The following SPATA17 variants were observed in gnomAD, a reference collection of about 807,000 sequenced individuals.
SPATA17 encodes the protein spermatogenesis-associated protein 17.
Under a neutral mutation model 62.2 loss-of-function variants are expected in SPATA17, and 53 were observed. The ratio of observed to expected loss-of-function variants is 0.85; its 90% confidence interval spans 0.68 to 1.07. SPATA17 has a LOEUF of 1.07. Among genes scored for constraint, SPATA17 ranks in the 50% least tolerant of loss-of-function variants. The pLI, the probability that SPATA17 is intolerant of heterozygous loss-of-function variation, is 0.00. For synonymous variants in SPATA17, 146 were observed against 146.8 expected, an observed-to-expected ratio of 0.99 and a Z score of 0.04; for missense variants, 466 against 425.5, an observed-to-expected ratio of 1.10 and a Z score of -0.84.
At chr1:217,718,664 A>G (rs1243124605) in intron 5 of SPATA17, among the ~76,000 whole-genome samples, 1 of 152,162 alleles carries the variant, frequency 6.6e-6, no homozygotes, top group African/African-American at 2.4e-5. Context: ...AGTTAGGAAA[A>G]CAAGACACCA....
At chr1:217,715,669 CA>C (rs11320551) in intron 5 of SPATA17, among the ~76,000 whole-genome samples, 19,630 of 126,938 alleles carry the variant, frequency 0.15, 1,318 homozygotes, top group Non-Finnish European at 0.19. Context: ...GCTTGTCATG[CA>C]AAAAAAAAAA....
chr1:217,685,644 A>G (rs1671199826), intron 5 of SPATA17, among the ~76,000 whole-genome samples: 1 of 152,182 alleles, frequency 6.6e-6, no homozygotes, highest in South Asian at 2.1e-4. Flanking sequence ...TAATAGATGT[A>G]CTAATATCAA....
chr1:217,806,935 C>T (rs1361517499), intron 9 of SPATA17, among the ~76,000 whole-genome samples: 1 of 151,902 alleles, frequency 6.6e-6, no homozygotes, highest in Non-Finnish European at 1.5e-5. Context: ...ATATGCAGCG[C>T]ACATACAGCA....
chr1:217,659,521 G>A (rs1670519621), intron 3 of SPATA17, among the ~76,000 whole-genome samples: 1 of 151,918 alleles, frequency 6.6e-6, no homozygotes, highest in Non-Finnish European at 1.5e-5. Context: ...TATGTCATGA[G>A]CAATGGTTCT....
intron 1 of SPATA17, among the ~76,000 whole-genome samples, chr1:217,645,071 A>G (rs918109164): frequency 6.6e-6 from 1 of 152,122 alleles, no homozygotes; most frequent in Non-Finnish European, 1.5e-5. Context: ...AGCAGTTAAA[A>G]AAAGGGCAAC....
chr1:217,663,584 C>T (rs191766095), intron 3 of SPATA17, among the ~76,000 whole-genome samples: 2 of 152,148 alleles, frequency 1.3e-5, no homozygotes, highest in Admixed American at 1.3e-4. Context: ...TATGAAATGT[C>T]GATGGCCCTA....
At chr1:217,849,314 A>G (rs896998281) in intron 9 of SPATA17, among the ~76,000 whole-genome samples, 1 of 152,120 alleles carries the variant, frequency 6.6e-6, no homozygotes, top group Admixed American at 6.6e-5. Context: ...GCCACTACCT[A>G]TGGCCATTCA....
At chr1:217,711,514 G>A (rs1671863069) in intron 5 of SPATA17, among the ~76,000 whole-genome samples, 1 of 152,144 alleles carries the variant, frequency 6.6e-6, no homozygotes. Context: ...TTCTAGCTAT[G>A]TGACCTTGAA....
intron 5 of SPATA17, among the ~76,000 whole-genome samples, chr1:217,731,571 T>C (rs1672403290): frequency 6.6e-6 from 1 of 152,170 alleles, no homozygotes; most frequent in Non-Finnish European, 1.5e-5. Context: ...ACTGCTGCCT[T>C]AATGATCTTT....
rs1247116778 is a variant in SPATA17 at position 217,798,938 on chromosome 1, C to T, written c.873-2780C>T. 2.7e-5 allele frequency among the ~76,000 whole-genome samples: 4 copies of T among 147,968 alleles called. No individual in the cohort carries two copies. In the South Asian group the frequency reaches 8.5e-4, roughly 32 times the overall value. On this transcript the variant is annotated intron_variant, in intron 8 of 10. Coordinates refer to ENST00000366933, the MANE Select transcript of SPATA17 (RefSeq NM_138796.4). The stretch of plus-strand genomic sequence containing the variant: ...TCGCCTAGGCTGGAGAGCAGTGGCT[C>T]GATCTGTAAGCATAAGCACAACTGA...
At chr1:217,699,279 A>G (rs1671536977) in intron 5 of SPATA17, among the ~76,000 whole-genome samples, 1 of 152,208 alleles carries the variant, frequency 6.6e-6, no homozygotes. Context: ...AGGGAACTGT[A>G]AAACTGTTTT....
Position 217,870,249 on chromosome 1 carries a change from C to T in SPATA17, c.*3230C>T, listed in dbSNP as rs1224385719. 1 of 152,072 alleles carries T rather than the reference C, an allele frequency of 6.6e-6. No homozygotes were observed. The highest frequency in any genetic ancestry group is 1.5e-5 in the Non-Finnish European group (1 of 68,000). 9.4% of individuals were successfully genotyped at this position (152,072 alleles called of 1,614,324 possible). A position where few individuals can be genotyped will look rare whatever the true frequency, so the allele number is the denominator to read the frequency against. On this transcript the variant is annotated 3_prime_UTR_variant, in exon 11 of 11. Transcript: ENST00000366933. The stretch of plus-strand genomic sequence containing the variant: ...AGAGAAGGTGGTACTCAGATAAAAA[C>T]TTTGAAGCATTTTATTGTTCAGAAT...
At chr1:217,642,569 C>G (rs898294096) in intron 1 of SPATA17, among the ~76,000 whole-genome samples, 1 of 152,158 alleles carries the variant, frequency 6.6e-6, no homozygotes, top group Non-Finnish European at 1.5e-5. Context: ...TGAAATCCCC[C>G]TAATCCTTAC....
intron 1 of SPATA17, among the ~76,000 whole-genome samples, chr1:217,638,242 G>T (rs1669982192): frequency 6.6e-6 from 1 of 151,998 alleles, no homozygotes; most frequent in Middle Eastern, 3.4e-3. Context: ...TTTTCCATAG[G>T]TATATACCTG....
intron 3 of SPATA17, among the ~76,000 whole-genome samples, chr1:217,667,056 T>G (rs1250315428): frequency 6.8e-6 from 1 of 146,666 alleles, no homozygotes. Flanking sequence ...TTCTTTTTTT[T>G]TTTTTTTTTG....
chr1:217,748,254 G>C (rs1365990101), intron 6 of SPATA17, among the ~76,000 whole-genome samples: 1 of 142,288 alleles, frequency 7.0e-6, no homozygotes, highest in Non-Finnish European at 1.5e-5. Context: ...AGTGAGCCGA[G>C]ATCGCACCAT....
At position 217,867,263 on chromosome 1, in the gene SPATA17, C is replaced by G. The variant is rs970153944; in HGVS notation, c.*244C>G. 1 of 152,092 alleles carries G rather than the reference C, an allele frequency of 6.6e-6. No homozygotes were observed. Among genetic ancestry groups the G allele is most frequent in the African/African-American group, 2.4e-5 (1 of 41,416 alleles). The allele number at this position is 152,092 out of a possible 1,614,324, so 9.4% of individuals were successfully genotyped here. A position where few individuals can be genotyped will look rare whatever the true frequency, so the allele number is the denominator to read the frequency against. On this transcript the variant is annotated 3_prime_UTR_variant, in exon 11 of 11. Transcript: ENST00000366933. ...TGAGAATGTCTGTCACAATCACAGCCCCTGGTGACCAACAGTGCCATAAAT... is the reference window on the plus strand; with the variant it reads ...TGAGAATGTCTGTCACAATCACAGCGCCTGGTGACCAACAGTGCCATAAAT...
intron 9 of SPATA17, among the ~76,000 whole-genome samples, chr1:217,806,510 C>T (rs1479694484): frequency 1.3e-5 from 2 of 152,152 alleles, no homozygotes; most frequent in African/African-American, 2.4e-5. Flanking sequence ...CCCTGTAGAA[C>T]CCAAGAAGTC....
At chr1:217,724,423 A>G (rs1672209214) in intron 5 of SPATA17, among the ~76,000 whole-genome samples, 1 of 152,132 alleles carries the variant, frequency 6.6e-6, no homozygotes, top group South Asian at 2.1e-4. Context: ...CCCCGTCTCT[A>G]CTAAGAATAC....
Sources: allele counts gnomAD v4.1 joint callset (sites outside exome capture counted in the v4.1 genomes callset), GRCh38; gene constraint gnomAD v4.1.1; transcripts MANE v1.5; gene names NCBI Gene and HGNC (gene_info 2026-07-23, HGNC 2026-07-21).